Variants in ILRUN observed in about 807,000 individuals in gnomAD.
The protein encoded by ILRUN is protein ILRUN.
ILRUN carries 3 observed loss-of-function variants against 33.8 expected under a neutral mutation model. That is an observed-to-expected ratio of 0.09 (90% CI 0.04 to 0.23). ILRUN has a LOEUF of 0.23. Ranked by LOEUF, ILRUN falls within the 10% of genes least tolerant of loss-of-function variation. The probability of loss-of-function intolerance (pLI) is 1.00; values close to 1 mark genes in which losing one functional copy is unlikely to be tolerated. For synonymous variants in ILRUN, 124 were observed against 138.9 expected (o/e 0.89, Z 0.75); for missense variants, 210 against 375.1 (o/e 0.56, Z 3.64).
chr6:34,619,895 G>A (rs1761977248), intron 3 of ILRUN, among the ~76,000 whole-genome samples: 1 of 149,570 alleles, frequency 6.7e-6, no homozygotes, highest in African/African-American at 2.5e-5. Context: ...TGAGGCAGGA[G>A]AATCGTTTGA....
At chr6:34,653,970 CAA>C (rs34498804) in intron 2 of ILRUN, among the ~76,000 whole-genome samples, 21 of 81,036 alleles carry the variant, frequency 2.6e-4, no homozygotes, top group Admixed American at 5.3e-4. Context: ...GATGCTGTCT[CAA>C]AAAAAAAAAA....
chr6:34,619,755 C>A (rs1233388481), intron 3 of ILRUN, among the ~76,000 whole-genome samples: 1 of 152,036 alleles, frequency 6.6e-6, no homozygotes, highest in Admixed American at 6.6e-5. Flanking sequence ...GAGGCTGAGG[C>A]GGGTGGATCA....
At chr6:34,682,023 TATATTTTTA>T (rs375179625) in intron 1 of ILRUN, among the ~76,000 whole-genome samples, 1 of 103,612 alleles carries the variant, frequency 9.7e-6, no homozygotes, top group African/African-American at 3.9e-5. Flanking sequence ...CACTAATTCT[TATATTTTTA>T]TTTTTTTACT....
Position 34,663,813 on chromosome 6 carries a change from G to A in ILRUN, c.159-9034C>T, listed in dbSNP as rs1038952054. Reference sequence around the variant, plus strand: ...ATTTTCATCATCCTAATAATGTCCCGGTCCCTGGAACCTATGAATATGTTA... The same window carrying A: ...ATTTTCATCATCCTAATAATGTCCCAGTCCCTGGAACCTATGAATATGTTA... On this transcript the variant is annotated intron_variant, in intron 1 of 4. Coordinates refer to ENST00000374023, the MANE Select transcript of ILRUN (RefSeq NM_024294.4). Among the ~76,000 whole-genome samples the A allele has an allele frequency of 3.0e-4, 46 of 152,062 alleles. 1 individual carries two copies. Among genetic ancestry groups the A allele is most frequent in the African/African-American group, 4.8e-5 (2 of 41,392 alleles).
In ILRUN at chr6:34,590,259, A is replaced by C. The variant is rs1368804607; in HGVS notation, c.*306T>G. On this transcript the variant is annotated 3_prime_UTR_variant, in exon 5 of 5. Transcript: ENST00000374023. ...AGATGGCTTTTTTTCCCCCATTTTA[A>C]ACTTTTTCCCCCTTCCCGAGTGACC... The C allele has an allele frequency of 9.4e-6, 2 of 212,262 alleles. No homozygotes were observed. Among genetic ancestry groups the C allele is most frequent in the African/African-American group, 4.6e-5 (2 of 43,682 alleles). The allele number at this position is 212,262 out of a possible 1,614,324, so 13.1% of individuals were successfully genotyped here.
chr6:34,596,309 G>A (rs1241204769), intron 4 of ILRUN, among the ~76,000 whole-genome samples: 1 of 152,154 alleles, frequency 6.6e-6, no homozygotes, highest in Non-Finnish European at 1.5e-5. Context: ...CCAGGCTGGA[G>A]TGCACAGGTG....
intron 4 of ILRUN, among the ~76,000 whole-genome samples, chr6:34,602,888 T>C (rs1472482243): frequency 6.6e-6 from 1 of 152,136 alleles, no homozygotes; most frequent in Non-Finnish European, 1.5e-5. Flanking sequence ...GAGCTTACGA[T>C]TCAAGAACAG....
intron 3 of ILRUN, among the ~76,000 whole-genome samples, chr6:34,627,583 A>G (rs978227943): frequency 1.3e-5 from 2 of 152,174 alleles, no homozygotes; most frequent in Non-Finnish European, 2.9e-5. Flanking sequence ...GTGATATCTC[A>G]TAGTTGTTTT....
At chr6:34,591,922 A>G (rs896830701) in intron 4 of ILRUN, among the ~76,000 whole-genome samples, 1 of 152,184 alleles carries the variant, frequency 6.6e-6, no homozygotes, top group African/African-American at 2.4e-5. Context: ...GTTTATTCCA[A>G]CTTGCCAAAG....
intron 3 of ILRUN, among the ~76,000 whole-genome samples, chr6:34,613,196 A>C (rs1761797433): frequency 6.6e-6 from 1 of 151,042 alleles, no homozygotes; most frequent in African/African-American, 2.5e-5. Context: ...CCTGGGTGAC[A>C]GAGTGAGACC....
rs1763570172 is a variant in ILRUN at position 34,688,294 on chromosome 6, CTTGGGAGACTGAG to C, written c.158+8139_158+8151del. ...GTGGCTCATGCCTATATCCCAGCTACTTGGGAGACTGAGGTGGGAGGATGGATTGAGCCCAGGA... is the reference window on the plus strand; with the variant it reads ...GTGGCTCATGCCTATATCCCAGCTACGTGGGAGGATGGATTGAGCCCAGGA... On this transcript the variant is annotated intron_variant, in intron 1 of 4. Transcript: ENST00000374023. Among the ~76,000 whole-genome samples, 4 of 151,178 alleles carry C rather than the reference CTTGGGAGACTGAG, an allele frequency of 2.6e-5. No individual in the cohort carries two copies. In the South Asian group the frequency reaches 8.3e-4, roughly 31 times the overall value.
At chr6:34,677,783 T>A (rs1466968762) in intron 1 of ILRUN, among the ~76,000 whole-genome samples, 2 of 151,816 alleles carry the variant, frequency 1.3e-5, no homozygotes, top group African/African-American at 2.4e-5. Context: ...ACCCCCTATG[T>A]ACAAAAAATA....
intron 3 of ILRUN, among the ~76,000 whole-genome samples, chr6:34,632,676 C>T (rs1011393054): frequency 1.6e-5 from 2 of 127,308 alleles, no homozygotes; most frequent in African/African-American, 3.6e-5. Flanking sequence ...CTAACACACC[C>T]GGCTAATTTT....
At chr6:34,655,708 A>G (rs926882595) in intron 1 of ILRUN, among the ~76,000 whole-genome samples, 2 of 152,182 alleles carry the variant, frequency 1.3e-5, no homozygotes, top group African/African-American at 4.8e-5. Flanking sequence ...ATAAATTCCT[A>G]TTAAGTGATA....
At chr6:34,682,887 C>T (rs1251917396) in intron 1 of ILRUN, among the ~76,000 whole-genome samples, 1 of 151,480 alleles carries the variant, frequency 6.6e-6, no homozygotes, top group Non-Finnish European at 1.5e-5. Flanking sequence ...GACATTGGCA[C>T]ATTATTTCTC....
intron 1 of ILRUN, among the ~76,000 whole-genome samples, chr6:34,662,255 G>A (rs868524285): frequency 8.5e-4 from 125 of 147,788 alleles, no homozygotes; most frequent in African/African-American, 2.9e-3. Flanking sequence ...GCAGTGAGCC[G>A]AGATCGCGCC....
intron 3 of ILRUN, among the ~76,000 whole-genome samples, chr6:34,640,348 C>G (rs1303675220): frequency 6.6e-6 from 1 of 151,818 alleles, no homozygotes; most frequent in Non-Finnish European, 1.5e-5. Context: ...AGACCTGTAA[C>G]TGACTGAATA....
intron 1 of ILRUN, among the ~76,000 whole-genome samples, chr6:34,689,508 C>CGG (rs1763601954): frequency 6.6e-6 from 1 of 151,990 alleles, no homozygotes; most frequent in Admixed American, 6.6e-5. Flanking sequence ...GTAGCCCTTC[C>CGG]TTACCCTCTT....
intron 3 of ILRUN, among the ~76,000 whole-genome samples, chr6:34,617,692 TG>T (rs1243332035): frequency 6.6e-6 from 1 of 152,162 alleles, no homozygotes; most frequent in Non-Finnish European, 1.5e-5. Context: ...CAACCTCCAC[TG>T]AAACTCCGCA....
Sources: gnomAD v4.1 joint callset for allele counts (sites outside exome capture counted in the v4.1 genomes callset) on GRCh38, gnomAD v4.1.1 for gene constraint, MANE v1.5 for transcripts, NCBI Gene and HGNC (gene_info 2026-07-23, HGNC 2026-07-21) for gene names.